Variants in DNAH9 observed in about 807,000 individuals in gnomAD.
DNAH9 encodes dynein axonemal heavy chain 9.
A neutral mutation model predicts 471.6 loss-of-function variants in DNAH9; 345 were observed. The ratio of observed to expected loss-of-function variants is 0.73; its 90% CI spans 0.67 to 0.80. The LOEUF is 0.80. Ranked by LOEUF, DNAH9 falls within the 30% of genes least tolerant of loss-of-function variation. DNAH9 has a pLI of 0.00. For synonymous variants in DNAH9, 2,093 were observed against 2,123.6 expected (o/e 0.99, Z 0.40); for missense variants, 5,407 against 5,609.2 (o/e 0.96, Z 1.15).
chr17:11,653,040 T>G (rs750584978), intron 14 of DNAH9, 38 bp downstream of exon 14: 1 of 1,603,136 alleles, frequency 6.2e-7, no homozygotes, highest in South Asian at 1.1e-5. Context: ...TACTACGAGT[T>G]TAGGGAAAGC....
At chr17:11,732,579 A>G (rs974401538) in intron 28 of DNAH9, among the ~76,000 whole-genome samples, 4 of 151,826 alleles carry the variant, frequency 2.6e-5, no homozygotes, top group Non-Finnish European at 4.4e-5. Flanking sequence ...GGACATTCTC[A>G]TGTCTCCATG....
intron 6 of DNAH9, among the ~76,000 whole-genome samples, chr17:11,624,368 G>A (rs2072931098): frequency 6.6e-6 from 1 of 152,110 alleles, no homozygotes; most frequent in Admixed American, 6.5e-5. Flanking sequence ...AATTAGCCGG[G>A]CATGGCGGCA....
At position 11,598,490 on chromosome 17, in the gene DNAH9, C is replaced by CCGCG; in HGVS notation, c.-4_-1dup. The CCGCG allele has an allele frequency of 7.3e-7, 1 of 1,365,364 alleles. No homozygotes were observed. The highest frequency in any genetic ancestry group is 9.4e-7 in the Non-Finnish European group (1 of 1,067,968). 84.6% of individuals were successfully genotyped at this position (1,365,364 alleles called of 1,614,324 possible). ...CTAGGGAAACCGATGCAGCTGGAGG[C>CCGCG]CGCGCGCGATGCGGCTCGCGGAGGA... On this transcript the variant is annotated 5_prime_UTR_variant, in exon 1 of 69. Transcript: ENST00000262442.
chr17:11,695,321 A>G (rs190122638), intron 22 of DNAH9, among the ~76,000 whole-genome samples: 1 of 152,310 alleles, frequency 6.6e-6, no homozygotes, highest in Non-Finnish European at 1.5e-5. Context: ...CTTGGCAGAG[A>G]ATGCCTTCAA....
chr17:11,647,689 G>A (rs10048184), intron 12 of DNAH9, among the ~76,000 whole-genome samples: 51,094 of 151,836 alleles, frequency 0.34, 8,839 homozygotes, highest in Middle Eastern at 0.41. Context: ...ATAAGACTTG[G>A]CTCCTGCCCT....
At chr17:11,761,311 T>C (rs1175686159) in intron 35 of DNAH9, among the ~76,000 whole-genome samples, 1 of 152,232 alleles carries the variant, frequency 6.6e-6, no homozygotes, top group Non-Finnish European at 1.5e-5. Flanking sequence ...GGCGTGTTTT[T>C]GACTTCTCTC....
intron 10 of DNAH9, among the ~76,000 whole-genome samples, chr17:11,643,539 A>C (rs756927753): frequency 2.6e-5 from 4 of 152,230 alleles, no homozygotes; most frequent in Admixed American, 6.5e-5. Flanking sequence ...ATGTTCTGAG[A>C]AATATATCCT....
Position 11,962,220 on chromosome 17 carries a change from T to C in DNAH9, c.13197T>C (p.His4399=). Residue 4399 remains histidine (H), a synonymous_variant, in exon 68 of 69, where the codon CAT becomes CAC. Coordinates refer to ENST00000262442, the MANE Select transcript of DNAH9 (RefSeq NM_001372.4). The surrounding 1 kb of genome is among the most constrained non-coding windows in gnomAD (Gnocchi z 4.1). Reference sequence around the variant, plus strand: ...CTCCTCGGGAAGGGGCCTACATCCATGGCCTCTTCATGGAAGGTGCCTGCT... The same window carrying C: ...CTCCTCGGGAAGGGGCCTACATCCACGGCCTCTTCATGGAAGGTGCCTGCT... ...RSPPREGAYI[H]GLFMEGACWD... 2 of 1,612,836 alleles carry C rather than the reference T, an allele frequency of 1.2e-6. No homozygotes were observed. The highest frequency in any genetic ancestry group is 1.7e-6 in the Non-Finnish European group (2 of 1,179,518).
chr17:11,838,033 CAAGA>C (rs1344707876), intron 49 of DNAH9, among the ~76,000 whole-genome samples: 1 of 152,056 alleles, frequency 6.6e-6, no homozygotes, highest in African/African-American at 2.4e-5. Context: ...TTAAGATATA[CAAGA>C]AAGAAATTAA....
At chr17:11,927,832 C>G (rs937322863) in intron 62 of DNAH9, among the ~76,000 whole-genome samples, 2 of 152,152 alleles carry the variant, frequency 1.3e-5, no homozygotes, top group Non-Finnish European at 2.9e-5. Context: ...GAATCCACCC[C>G]AGGGTTCTAT....
At chr17:11,836,627 G>T (rs1047409296) in intron 49 of DNAH9, among the ~76,000 whole-genome samples, 1 of 152,048 alleles carries the variant, frequency 6.6e-6, no homozygotes, top group Non-Finnish European at 1.5e-5. Flanking sequence ...CTCACCTGTA[G>T]GCCTTTAATT....
chr17:11,619,461 TG>T, intron 5 of DNAH9, 86 bp from the exon 6 acceptor site: 1 of 763,678 alleles, frequency 1.3e-6, no homozygotes, highest in Non-Finnish European at 2.3e-6. Flanking sequence ...AAAATATTAC[TG>T]GGGCAATGAT....
chr17:11,873,890 C>G (rs1247469778), intron 52 of DNAH9, among the ~76,000 whole-genome samples: 2 of 151,976 alleles, frequency 1.3e-5, no homozygotes, highest in Non-Finnish European at 2.9e-5. Flanking sequence ...TATTTCATAT[C>G]AATGTTACCT....
rs138902661 is a variant in DNAH9 at position 11,789,601 on chromosome 17, T to C, written c.8062-3902T>C. 1.6e-3 allele frequency among the ~76,000 whole-genome samples: 251 copies of C among 152,160 alleles called. 2 individuals carry two copies. The highest frequency in any genetic ancestry group is 5.9e-3 in the African/African-American group (244 of 41,580). Reference sequence around the variant, plus strand: ...CTTGCTAGGGAGTTAGCAATTGTGCTAGTCAAAAAACCTGAAGGGTATACC... The same window carrying C: ...CTTGCTAGGGAGTTAGCAATTGTGCCAGTCAAAAAACCTGAAGGGTATACC... On this transcript the variant is annotated intron_variant, in intron 41 of 68. Coordinates refer to ENST00000262442, the MANE Select transcript of DNAH9 (RefSeq NM_001372.4).
chr17:11,695,701 A>T (rs2074463725), intron 22 of DNAH9, among the ~76,000 whole-genome samples: 2 of 152,236 alleles, frequency 1.3e-5, no homozygotes, highest in South Asian at 4.1e-4. Flanking sequence ...GTCGAAGTAC[A>T]GATTCCTCGG....
Position 11,937,459 on chromosome 17 carries a change from G to C in DNAH9, c.12597G>C (p.Val4199=). The change falls in exon 66 of 69, where the codon GTG becomes GTC. Residue 4199 remains valine (V), a synonymous_variant. Transcript: ENST00000262442. The surrounding 1 kb of genome is among the most constrained non-coding windows in gnomAD (Gnocchi z 4.1). The part of the protein sequence containing the change: ...TQTSEKLFRT[V]LELQPRDSQA... ...CCTCAGAAAAGCTCTTCCGCACTGT[G>C]CTGGAGCTGCAGCCTCGGGACAGCC... The C allele has an allele frequency of 6.2e-7, 1 of 1,613,980 alleles. No individual in the cohort carries two copies. The highest frequency in any genetic ancestry group is 1.7e-5 in the Admixed American group (1 of 60,028).
chr17:11,968,276 A>G (rs1976909349), intron 68 of DNAH9, among the ~76,000 whole-genome samples: 1 of 152,150 alleles, frequency 6.6e-6, no homozygotes, highest in Non-Finnish European at 1.5e-5. Context: ...GGAGGTCCCC[A>G]CTGTTTACCT....
intron 59 of DNAH9, among the ~76,000 whole-genome samples, chr17:11,898,127 C>A (rs1221796999): frequency 1.0e-5 from 1 of 100,174 alleles, no homozygotes; most frequent in South Asian, 3.8e-4. Context: ...CTTTCTTTTC[C>A]TTTTCTTTTT....
At chr17:11,890,731 C>T (rs1270657566) in intron 57 of DNAH9, among the ~76,000 whole-genome samples, 1 of 151,800 alleles carries the variant, frequency 6.6e-6, no homozygotes, top group East Asian at 1.9e-4. Context: ...TATTTTGAGA[C>T]AGGGTCTCAC....
Sources: allele counts gnomAD v4.1 joint callset (sites outside exome capture counted in the v4.1 genomes callset), GRCh38; gene constraint gnomAD v4.1.1; non-coding constraint Gnocchi (gnomAD v3.1); transcripts MANE v1.5; gene names NCBI Gene and HGNC (gene_info 2026-07-23, HGNC 2026-07-21).